Variants in TTBK2 observed in about 807,000 individuals in gnomAD.
TTBK2 encodes the protein tau-tubulin kinase 2.
A neutral mutation model predicts 110.8 loss-of-function variants in TTBK2; 28 were observed. That is an observed-to-expected ratio of 0.25 (90% CI 0.19 to 0.35). The LOEUF (loss-of-function observed/expected upper bound fraction) is 0.35. Ranked by LOEUF, TTBK2 falls within the 10% of genes least tolerant of loss-of-function variation. The pLI, the probability that TTBK2 is intolerant of heterozygous loss-of-function variation, is 1.00. For missense variants in TTBK2, 1,369 were observed against 1,500.3 expected (o/e 0.91, Z 1.45); for synonymous variants, 532 against 527.3 (o/e 1.01, Z -0.12).
At chr15:42,896,843 G>C (rs1178788577) in intron 1 of TTBK2, among the ~76,000 whole-genome samples, 1 of 151,528 alleles carries the variant, frequency 6.6e-6, no homozygotes, top group Non-Finnish European at 1.5e-5. Context: ...ACATGTAATA[G>C]GTTTACTATT....
chr15:42,746,367 C>CTCTG, intron 14 of TTBK2, 110 bp from the exon 15 acceptor site: 2 of 847,590 alleles, frequency 2.4e-6, no homozygotes, highest in Admixed American at 4.5e-5. Flanking sequence ...AGAAAATAGA[C>CTCTG]TAACAGGATA....
chr15:42,821,324 G>A (rs1025815516), intron 6 of TTBK2, among the ~76,000 whole-genome samples: 1 of 152,138 alleles, frequency 6.6e-6, no homozygotes, highest in East Asian at 1.9e-4. Flanking sequence ...TTTGGAATAG[G>A]CAGAGGTGAA....
intron 7 of TTBK2, among the ~76,000 whole-genome samples, chr15:42,816,786 G>A (rs930783778): frequency 6.6e-6 from 1 of 151,886 alleles, no homozygotes; most frequent in South Asian, 2.1e-4. Context: ...GGGCGTGGTG[G>A]CGGGCACCTG....
At chr15:42,853,327 T>C (rs1196774271) in intron 3 of TTBK2, among the ~76,000 whole-genome samples, 1 of 151,656 alleles carries the variant, frequency 6.6e-6, no homozygotes, top group Non-Finnish European at 1.5e-5. Flanking sequence ...TAAAGAAAAA[T>C]GTAGTTTTTC....
At chr15:42,754,486 C>T (rs1180832410) in intron 13 of TTBK2, among the ~76,000 whole-genome samples, 1 of 151,212 alleles carries the variant, frequency 6.6e-6, no homozygotes, top group Non-Finnish European at 1.5e-5. Context: ...ACCTCCGCCT[C>T]CTGGGTTTAC....
rs67420749 is a variant in TTBK2 at position 42,831,022 on chromosome 15, A to ATGTG, written c.292-948_292-945dup. Among the ~76,000 whole-genome samples, 605 of 145,532 alleles carry ATGTG rather than the reference A, an allele frequency of 4.2e-3. 1 individual carries two copies. The highest frequency in any genetic ancestry group is 0.011 in the African/African-American group (440 of 39,794). ...TCCATCTCAAAAAAAAAATGTATAT[A>ATGTG]TGTGTGTGTGTGTGTGTGTGTGTGT... On this transcript the variant is annotated intron_variant, in intron 4 of 14. Transcript: ENST00000267890.
chr15:42,785,451 C>T (rs1013532105), intron 10 of TTBK2, among the ~76,000 whole-genome samples: 7 of 152,102 alleles, frequency 4.6e-5, no homozygotes, highest in Non-Finnish European at 1.0e-4. Flanking sequence ...GCACCTACTA[C>T]ATGCAAGGCC....
chr15:42,808,248 C>T (rs1891561685), intron 9 of TTBK2, among the ~76,000 whole-genome samples: 1 of 152,174 alleles, frequency 6.6e-6, no homozygotes. Flanking sequence ...GAGGTGTTGG[C>T]CATGTGCAAC....
At chr15:42,885,953 GA>G (rs1895226697) in intron 1 of TTBK2, among the ~76,000 whole-genome samples, 2 of 152,096 alleles carry the variant, frequency 1.3e-5, no homozygotes, top group African/African-American at 4.8e-5. Flanking sequence ...TGGCACTTTT[GA>G]TTTGTCTATC....
intron 1 of TTBK2, among the ~76,000 whole-genome samples, chr15:42,900,267 C>G (rs936187931): frequency 2.6e-5 from 4 of 152,070 alleles, no homozygotes; most frequent in Non-Finnish European, 5.9e-5. Flanking sequence ...GCTGGGATTA[C>G]AGGCATGAGC....
At chr15:42,808,052 A>G (rs139715471) in intron 9 of TTBK2, among the ~76,000 whole-genome samples, 11 of 152,340 alleles carry the variant, frequency 7.2e-5, no homozygotes, top group African/African-American at 2.4e-4. Context: ...AAACAGACTC[A>G]TACATAAATA....
At chr15:42,812,195 C>T (rs1891751384) in intron 7 of TTBK2, among the ~76,000 whole-genome samples, 3 of 152,146 alleles carry the variant, frequency 2.0e-5, no homozygotes, top group Admixed American at 1.3e-4. Context: ...GGCATAAAGG[C>T]CTTGGGCCTA....
rs201615263 is a variant in TTBK2 at position 42,830,074 on chromosome 15, C to T, written c.296G>A (p.Arg99Gln). The change falls in exon 5 of 15, where the codon CGG (arginine) becomes CAG (glutamine). Residue 99 changes from arginine to glutamine, a missense_variant. Around this residue, in one of 4 missense-constraint regions of TTBK2, gnomAD observed 122 missense variants for 159.7 expected, o/e 0.76. Transcript: ENST00000267890. ...GCTACGGCGAAGATCTGCCAGATTC[C>T]GACCCTATGGAAATCAAATAAACAC... Reference protein sequence around the residue: ...FNYVVMQLQGRNLADLRRSQS... With the variant: ...FNYVVMQLQGQNLADLRRSQS... 71 of 1,614,008 alleles carry T rather than the reference C, an allele frequency of 4.4e-5. No individual in the cohort carries two copies. The highest frequency in any genetic ancestry group is 5.7e-5 in the Non-Finnish European group (67 of 1,180,004).
intron 1 of TTBK2, among the ~76,000 whole-genome samples, chr15:42,883,888 A>C (rs562606382): frequency 6.6e-6 from 1 of 152,236 alleles, no homozygotes; most frequent in South Asian, 2.1e-4. Context: ...AAATAATAAC[A>C]AAAATAATAC....
Position 42,878,592 on chromosome 15 carries a change from T to C in TTBK2, c.26A>G (p.Asp9Gly), listed in dbSNP as rs763287588. The C allele has an allele frequency of 6.2e-7, 1 of 1,613,790 alleles. No individual in the cohort carries two copies. Among genetic ancestry groups the C allele is most frequent in the South Asian group, 1.1e-5 (1 of 91,062 alleles). The change falls in exon 2 of 15, where the codon GAT (aspartate) becomes GGT (glycine). Residue 9 changes from aspartate (D) to glycine (G), a missense_variant. Physicochemically the swap from Asp to Gly is moderately conservative, Grantham distance 94. This residue lies in a region of TTBK2 where 122 missense variants were observed against 159.7 expected (regional missense o/e 0.76). Transcript: ENST00000267890. ...CACTAGGATTCCAACACTCAGGATA[T>C]CCAGCTGCTCTCCTCCCCCACTCAT... MSGGGEQL[D>G]ILSVGILVKE...
At position 42,752,550 on chromosome 15, in the gene TTBK2, A is replaced by G; in HGVS notation, c.2696T>C (p.Phe899Ser). Residue 899 changes from phenylalanine (F) to serine (S), a missense_variant, in exon 14 of 15, where the codon TTT becomes TCT. Transcript: ENST00000267890. ...CTCTCTCTTGCCCTCTTGGTGCAAAAAAGTAGAGAGGTCTCCTTGATGACC... is the reference window on the plus strand; with the variant it reads ...CTCTCTCTTGCCCTCTTGGTGCAAAGAAGTAGAGAGGTCTCCTTGATGACC... Reference protein sequence around the residue: ...LPGHQGDLSTFLHQEGKREKI... With the variant: ...LPGHQGDLSTSLHQEGKREKI... 1.2e-6 allele frequency: 2 copies of G among 1,614,128 alleles called. No homozygotes were observed. Among genetic ancestry groups the G allele is most frequent in the Non-Finnish European group, 1.7e-6 (2 of 1,180,028 alleles).
intron 7 of TTBK2, among the ~76,000 whole-genome samples, chr15:42,815,958 A>AAAAAATATATATATATATATATAT (rs71108183): frequency 1.4e-4 from 13 of 91,694 alleles, no homozygotes; most frequent in South Asian, 6.9e-4. Flanking sequence ...TTAAAAAAAA[A>AAAAAATATATATATATATATATAT]ATATATATAT....
At chr15:42,818,174 C>G (rs2140951264) in intron 6 of TTBK2, among the ~76,000 whole-genome samples, 1 of 152,270 alleles carries the variant, frequency 6.6e-6, no homozygotes, top group African/African-American at 2.4e-5. Flanking sequence ...TTCCTGGGCT[C>G]AAGTGATCCT....
intron 3 of TTBK2, among the ~76,000 whole-genome samples, chr15:42,844,721 T>G (rs957520835): frequency 6.6e-6 from 1 of 152,236 alleles, no homozygotes; most frequent in Non-Finnish European, 1.5e-5. Flanking sequence ...GGAGGTTACT[T>G]TGTCCAAAAT....
Sources: gnomAD v4.1 joint callset for allele counts (sites outside exome capture counted in the v4.1 genomes callset) on GRCh38, gnomAD v4.1.1 for gene constraint, gnomAD v4.1.1 regional missense constraint, MANE v1.5 for transcripts, NCBI Gene and HGNC (gene_info 2026-07-23, HGNC 2026-07-21) for gene names.